Variants in RABL3 observed in about 807,000 individuals in gnomAD.
RABL3 encodes RAB, member of RAS oncogene family like 3.
RABL3 carries 31 observed loss-of-function variants against 31.8 expected under a neutral mutation model. That is an observed-to-expected ratio of 0.97 (90% confidence interval 0.73 to 1.31). The LOEUF (loss-of-function observed/expected upper bound fraction) is 1.31, where lower values mean the gene tolerates loss of function less well. Among genes scored for constraint, RABL3 ranks in the 40% most tolerant of loss-of-function variants. The pLI is 0.00. For missense variants in RABL3, 263 were observed against 279.6 expected, an observed-to-expected ratio of 0.94 and a Z score of 0.42; for synonymous variants, 97 against 99.9, an observed-to-expected ratio of 0.97 and a Z score of 0.18.
At chr3:120,712,710 C>T (rs1271992457) in intron 2 of RABL3, among the ~76,000 whole-genome samples, 1 of 152,174 alleles carries the variant, frequency 6.6e-6, no homozygotes, top group Non-Finnish European at 1.5e-5. Flanking sequence ...ATTATTCATC[C>T]TTTAGCCCTA....
intron 4 of RABL3, among the ~76,000 whole-genome samples, chr3:120,704,594 A>G (rs1708528750): frequency 1.3e-5 from 2 of 152,222 alleles, no homozygotes; most frequent in South Asian, 4.1e-4. Context: ...AAATAAGACA[A>G]CAAGCACACA....
intron 2 of RABL3, among the ~76,000 whole-genome samples, chr3:120,727,461 T>G (rs1450447261): frequency 1.3e-5 from 2 of 152,084 alleles, no homozygotes; most frequent in Non-Finnish European, 2.9e-5. Flanking sequence ...ACTTAAAAAC[T>G]TCCCGCAAAG....
chr3:120,715,972 T>C (rs1199933863), intron 2 of RABL3, among the ~76,000 whole-genome samples: 1 of 152,208 alleles, frequency 6.6e-6, no homozygotes, highest in Non-Finnish European at 1.5e-5. Flanking sequence ...AATTAGTATG[T>C]AAATGGATGC....
chr3:120,695,939 A>G (rs1257207273), intron 5 of RABL3, among the ~76,000 whole-genome samples: 1 of 152,214 alleles, frequency 6.6e-6, no homozygotes, highest in Middle Eastern at 3.2e-3. Flanking sequence ...TTTTGGGATA[A>G]GAAATTTAGA....
In RABL3 at chr3:120,693,394, G is replaced by A. The variant is rs557150927; in HGVS notation, c.606+759C>T. Reference sequence around the variant, plus strand: ...AAAATGATTGATAAAGAAGAGCTATGGGGAAGATGATTTTCTTAGGAGATG... The same window carrying A: ...AAAATGATTGATAAAGAAGAGCTATAGGGAAGATGATTTTCTTAGGAGATG... On this transcript the variant is annotated intron_variant, in intron 6 of 7. Coordinates refer to ENST00000273375, the MANE Select transcript of RABL3 (RefSeq NM_173825.5). Among the ~76,000 whole-genome samples the A allele has an allele frequency of 3.3e-5, 5 of 152,258 alleles. No homozygotes were observed. The South Asian group carries it at 1.0e-3, about 32-fold the overall frequency.
chr3:120,704,101 A>T (rs1708522876), intron 4 of RABL3, among the ~76,000 whole-genome samples: 1 of 152,256 alleles, frequency 6.6e-6, no homozygotes, highest in Admixed American at 6.5e-5. Flanking sequence ...AGACATTATG[A>T]GAACAGAAAA....
At chr3:120,718,091 A>G (rs1014501236) in intron 2 of RABL3, among the ~76,000 whole-genome samples, 3 of 151,964 alleles carry the variant, frequency 2.0e-5, no homozygotes, top group Non-Finnish European at 4.4e-5. Flanking sequence ...TTAAACTCCT[A>G]ATTGTTTCCT....
Position 120,685,084 on chromosome 3 carries a change from G to A in RABL3, c.*4739C>T, listed in dbSNP as rs139533251. 2.3e-4 allele frequency among the ~76,000 whole-genome samples: 35 copies of A among 152,334 alleles called. No homozygotes were observed. The highest frequency in any genetic ancestry group is 3.8e-4 in the Non-Finnish European group (26 of 68,024). On this transcript the variant is annotated 3_prime_UTR_variant, in exon 8 of 8. Transcript: ENST00000273375. ...ATCTAGGGGAAGCACTAGTGGGCAC[G>A]TAGCCCAGACGAGCAGAGCCAGGGA...
Position 120,685,565 on chromosome 3 carries a change from A to G in RABL3, c.*4258T>C, listed in dbSNP as rs1207417293. 1.3e-5 allele frequency among the ~76,000 whole-genome samples: 2 copies of G among 152,206 alleles called. No homozygotes were observed. The highest frequency in any genetic ancestry group is 2.9e-5 in the Non-Finnish European group (2 of 68,040). On this transcript the variant is annotated 3_prime_UTR_variant, in exon 8 of 8. Coordinates refer to ENST00000273375, the MANE Select transcript of RABL3 (RefSeq NM_173825.5). ...TAAAAATGATAGCAATACATGAAAG[A>G]CAAATACTTGTTTTGCCAACAGAAG...
chr3:120,732,176 T>C (rs1708891649), intron 1 of RABL3, among the ~76,000 whole-genome samples: 2 of 152,198 alleles, frequency 1.3e-5, no homozygotes, highest in Admixed American at 6.5e-5. Context: ...TTAAAAACAA[T>C]AAAACAACAT....
At chr3:120,726,727 G>C (rs752862223) in intron 2 of RABL3, among the ~76,000 whole-genome samples, 1 of 151,944 alleles carries the variant, frequency 6.6e-6, no homozygotes. Flanking sequence ...CGGAGCAACA[G>C]AGTGGGACTC....
At chr3:120,727,936 C>A (rs1425902368) in intron 2 of RABL3, among the ~76,000 whole-genome samples, 1 of 152,100 alleles carries the variant, frequency 6.6e-6, no homozygotes, top group African/African-American at 2.4e-5. Flanking sequence ...TTTCTTTAAT[C>A]TAATCAAATA....
chr3:120,741,703 T>C (rs975750237), intron 1 of RABL3, among the ~76,000 whole-genome samples: 1 of 152,188 alleles, frequency 6.6e-6, no homozygotes, highest in African/African-American at 2.4e-5. Flanking sequence ...TATTTAACAC[T>C]AGGATTAAAT....
At chr3:120,698,395 A>C (rs1708460707) in intron 5 of RABL3, 28 bp downstream of exon 5, 1 of 1,587,632 alleles carries the variant, frequency 6.3e-7, no homozygotes, top group Non-Finnish European at 8.6e-7. Context: ...CGATAATAAT[A>C]CAAGCATGCA....
chr3:120,686,097 T>C lies in RABL3; in HGVS notation c.*3726A>G, dbSNP rs894927767. Among the ~76,000 whole-genome samples, 2 of 152,214 alleles carry C rather than the reference T, an allele frequency of 1.3e-5. No homozygotes were observed. The highest frequency in any genetic ancestry group is 4.8e-5 in the African/African-American group (2 of 41,448). On this transcript the variant is annotated 3_prime_UTR_variant, in exon 8 of 8. Transcript: ENST00000273375. ...TGTAGGCAAACATGTTGTGAAATAT[T>C]TGAGACACAGGGTTAGACTTCCTGC...
At chr3:120,693,238 G>A (rs929953427) in intron 6 of RABL3, among the ~76,000 whole-genome samples, 16 of 152,076 alleles carry the variant, frequency 1.1e-4, no homozygotes, top group Admixed American at 7.2e-4. Flanking sequence ...AATATTAATC[G>A]AGGAGGGTGC....
In RABL3 at chr3:120,689,839, C is replaced by T. The variant is rs372617823; in HGVS notation, c.695G>A (p.Ser232Asn). 1.9e-6 allele frequency: 3 copies of T among 1,612,840 alleles called. No homozygotes were observed. The highest frequency in any genetic ancestry group is 2.5e-6 in the Non-Finnish European group (3 of 1,178,940). Residue 232 changes from serine to asparagine, a missense_variant, in exon 8 of 8, where the codon AGC (serine) becomes AAC (asparagine). Transcript: ENST00000273375. ...GAGTGTAATTCAGTCATAATGAAGGCTCTTTAATGTTCCTGCCCCAAATCT... is the reference window on the plus strand; with the variant it reads ...GAGTGTAATTCAGTCATAATGAAGGTTCTTTAATGTTCCTGCCCCAAATCT... ...RKRFGAGTLK[S>N]LHYD
chr3:120,735,659 C>T (rs1253443046), intron 1 of RABL3, among the ~76,000 whole-genome samples: 4 of 152,070 alleles, frequency 2.6e-5, no homozygotes, highest in Non-Finnish European at 5.9e-5. Flanking sequence ...TTAGATCTTT[C>T]CTGCTTTCTC....
chr3:120,716,777 G>A (rs912729880), intron 2 of RABL3, among the ~76,000 whole-genome samples: 12 of 152,152 alleles, frequency 7.9e-5, no homozygotes, highest in African/African-American at 2.9e-4. Flanking sequence ...ACAGGTAACA[G>A]TGCTCTCCCA....
Sources: allele counts gnomAD v4.1 joint callset (sites outside exome capture counted in the v4.1 genomes callset), GRCh38; gene constraint gnomAD v4.1.1; transcripts MANE v1.5; gene names NCBI Gene and HGNC (gene_info 2026-07-23, HGNC 2026-07-21).